Variants in PRMT3 observed in about 807,000 individuals in gnomAD.
PRMT3 encodes protein arginine methyltransferase 3.
Under a neutral mutation model 71.9 loss-of-function variants are expected in PRMT3, and 62 were observed. The observed-to-expected ratio is 0.86, with a 90% CI of 0.70 to 1.07. The LOEUF (loss-of-function observed/expected upper bound fraction) is 1.07, where lower values mean the gene tolerates loss of function less well. Among genes scored for constraint, PRMT3 ranks in the 50% least tolerant of loss-of-function variants. The pLI, the probability that PRMT3 is intolerant of heterozygous loss-of-function variation, is 0.00. For synonymous variants in PRMT3, 213 were observed against 220.4 expected (o/e 0.97, Z 0.30); for missense variants, 663 against 643.0 (o/e 1.03, Z -0.34).
At chr11:20,479,892 A>G (rs1362043822) in intron 13 of PRMT3, among the ~76,000 whole-genome samples, 1 of 152,206 alleles carries the variant, frequency 6.6e-6, no homozygotes, top group East Asian at 1.9e-4. Flanking sequence ...AAGAATGTCC[A>G]TTGCGGCCTT....
intron 15 of PRMT3, among the ~76,000 whole-genome samples, chr11:20,495,095 C>A (rs1453305676): frequency 2.0e-5 from 3 of 152,052 alleles, no homozygotes; most frequent in Non-Finnish European, 4.4e-5. Context: ...GTGGCACCAT[C>A]TCAGCTCACT....
intron 15 of PRMT3, among the ~76,000 whole-genome samples, chr11:20,502,166 A>G (rs1489950538): frequency 6.6e-6 from 1 of 152,212 alleles, no homozygotes; most frequent in African/African-American, 2.4e-5. Flanking sequence ...GCTCAGCTCC[A>G]GAGTGTTCCT....
intron 12 of PRMT3, 35 bp from the exon 13 acceptor site, chr11:20,464,425 A>AC: frequency 6.8e-7 from 1 of 1,479,550 alleles, no homozygotes; most frequent in Non-Finnish European, 8.9e-7. Flanking sequence ...GACTATTTTT[A>AC]CTAAGCTCTT....
At chr11:20,476,830 A>G (rs74457358) in intron 13 of PRMT3, among the ~76,000 whole-genome samples, 4,615 of 152,126 alleles carry the variant, frequency 0.03, 235 homozygotes, top group African/African-American at 0.11. Context: ...TTCTTTTAAG[A>G]TGTAATTTGC....
intron 10 of PRMT3, among the ~76,000 whole-genome samples, chr11:20,431,475 CTT>C (rs1849653865): frequency 6.6e-6 from 1 of 152,114 alleles, no homozygotes; most frequent in Admixed American, 6.6e-5. Flanking sequence ...GTTATACAAA[CTT>C]TTAAGTACTC....
chr11:20,477,165 G>A (rs560901564), intron 13 of PRMT3, among the ~76,000 whole-genome samples: 2 of 152,160 alleles, frequency 1.3e-5, no homozygotes, highest in Non-Finnish European at 1.5e-5. Flanking sequence ...GAGGAAGGAC[G>A]TGAGAATATT....
At chr11:20,463,425 C>G (rs1032414487) in intron 12 of PRMT3, among the ~76,000 whole-genome samples, 3 of 152,004 alleles carry the variant, frequency 2.0e-5, no homozygotes, top group African/African-American at 7.3e-5. Flanking sequence ...ACCAACTAAG[C>G]CTTAAAGTTG....
intron 10 of PRMT3, among the ~76,000 whole-genome samples, chr11:20,445,706 C>T (rs1177144291): frequency 2.0e-5 from 3 of 152,108 alleles, no homozygotes; most frequent in Non-Finnish European, 2.9e-5. Flanking sequence ...AACCACTCTC[C>T]TGACCTTTAT....
chr11:20,455,459 G>A (rs1297195119), intron 11 of PRMT3, among the ~76,000 whole-genome samples: 2 of 152,080 alleles, frequency 1.3e-5, no homozygotes, highest in African/African-American at 4.8e-5. Flanking sequence ...CTTGACTATG[G>A]TGGTGATTGC....
chr11:20,493,776 C>T, intron 13 of PRMT3, 143 bp from the exon 14 acceptor site: 2 of 616,736 alleles, frequency 3.2e-6, no homozygotes, highest in Non-Finnish European at 5.6e-6. Context: ...CTTACAACAT[C>T]TTTTCCAGGA....
intron 13 of PRMT3, among the ~76,000 whole-genome samples, chr11:20,485,721 A>G (rs1019716344): frequency 2.0e-5 from 3 of 152,198 alleles, no homozygotes; most frequent in Non-Finnish European, 4.4e-5. Context: ...TTACATATAC[A>G]TGTAAATGGG....
intron 13 of PRMT3, among the ~76,000 whole-genome samples, chr11:20,481,262 T>TA (rs11451315): frequency 0.54 from 80,093 of 147,236 alleles, 22,468 homozygotes; most frequent in Middle Eastern, 0.65. Flanking sequence ...AGCATTCAGG[T>TA]AAAAAAAAAA....
chr11:20,461,616 C>T (rs1460917174), intron 11 of PRMT3, among the ~76,000 whole-genome samples: 1 of 151,986 alleles, frequency 6.6e-6, no homozygotes, highest in Non-Finnish European at 1.5e-5. Flanking sequence ...TTGTCCTTTT[C>T]TGCATGTTTT....
intron 13 of PRMT3, among the ~76,000 whole-genome samples, chr11:20,477,514 C>A (rs1187436175): frequency 2.0e-5 from 3 of 151,866 alleles, no homozygotes; most frequent in African/African-American, 7.3e-5. Context: ...CGACATAGCA[C>A]CACTGCACTC....
At chr11:20,397,330 A>G (rs894549701) in intron 6 of PRMT3, among the ~76,000 whole-genome samples, 2 of 152,250 alleles carry the variant, frequency 1.3e-5, no homozygotes, top group African/African-American at 4.8e-5. Context: ...GTTGAAAGAC[A>G]TAAGGAGCTA....
intron 11 of PRMT3, among the ~76,000 whole-genome samples, chr11:20,460,298 T>C (rs7943125): frequency 0.83 from 125,773 of 152,164 alleles, 53,673 homozygotes; most frequent in Non-Finnish European, 0.95. Flanking sequence ...TATACTTGTT[T>C]CATTTTGCTG....
chr11:20,453,605 A>G (rs560845905), intron 11 of PRMT3, among the ~76,000 whole-genome samples: 1 of 152,234 alleles, frequency 6.6e-6, no homozygotes, highest in African/African-American at 2.4e-5. Context: ...TGCCCATTTT[A>G]TCACTTTATT....
At position 20,508,777 on chromosome 11, in the gene PRMT3, G is replaced by T. The variant is rs1414493639; in HGVS notation, c.*364G>T. On this transcript the variant is annotated 3_prime_UTR_variant, in exon 16 of 16. Coordinates refer to ENST00000331079, the MANE Select transcript of PRMT3 (RefSeq NM_005788.4). ...CTTACTATAAATTTTAAACAAATTG[G>T]TTAGTTATTTGGATATTTTATTAAA... The T allele has an allele frequency of 3.3e-6, 1 of 301,178 alleles. No individual in the cohort carries two copies. The highest frequency in any genetic ancestry group is 7.7e-5 in the East Asian group (1 of 13,022). 18.7% of individuals were successfully genotyped at this position (301,178 alleles called of 1,614,324 possible).
intron 13 of PRMT3, among the ~76,000 whole-genome samples, chr11:20,472,436 C>T (rs532755698): frequency 1.3e-5 from 2 of 152,284 alleles, no homozygotes; most frequent in South Asian, 2.1e-4. Context: ...AAGGCCTTTT[C>T]TGCATCTATT....
Sources: gnomAD v4.1 joint callset for allele counts (sites outside exome capture counted in the v4.1 genomes callset) on GRCh38, gnomAD v4.1.1 for gene constraint, MANE v1.5 for transcripts, NCBI Gene and HGNC (gene_info 2026-07-23, HGNC 2026-07-21) for gene names.